The following LMO1 variants were observed in gnomAD, a reference collection of about 807,000 sequenced individuals.
The protein encoded by LMO1 is LIM domain only 1, also known as rhombotin-1.
In LMO1, 10 loss-of-function variants were observed where a neutral mutation model predicts 18.0. The ratio of observed to expected loss-of-function variants is 0.55; its 90% confidence interval spans 0.34 to 0.94. The LOEUF is 0.94. Ranked by LOEUF, LMO1 falls within the 40% of genes least tolerant of loss-of-function variation. The pLI, the probability that LMO1 is intolerant of heterozygous loss-of-function variation, is 0.02. For missense variants in LMO1, 183 were observed against 205.7 expected (o/e 0.89, Z 0.68); for synonymous variants, 77 against 77.9 (o/e 0.99, Z 0.06).
intron 1 of LMO1, among the ~76,000 whole-genome samples, chr11:8,258,406 G>A (rs558093598): frequency 1.3e-5 from 2 of 152,152 alleles, no homozygotes; most frequent in Non-Finnish European, 2.9e-5. Flanking sequence ...GCACCATCAC[G>A]GCTCTGTCTT....
At chr11:8,245,105 T>C (rs1019087333) in intron 1 of LMO1, among the ~76,000 whole-genome samples, 1 of 152,220 alleles carries the variant, frequency 6.6e-6, no homozygotes, top group Non-Finnish European at 1.5e-5. Context: ...ATTGCTTCCA[T>C]TTTGTGGATG....
intron 1 of LMO1, among the ~76,000 whole-genome samples, chr11:8,254,350 G>A (rs1051908833): frequency 6.6e-6 from 1 of 152,140 alleles, no homozygotes; most frequent in Non-Finnish European, 1.5e-5. Context: ...CTGATAGATC[G>A]CTGGCTTGTA....
Position 8,263,704 on chromosome 11 carries a change from T to C in LMO1, c.-342A>G. 3.4e-6 allele frequency: 4 copies of C among 1,175,630 alleles called. No individual in the cohort carries two copies. Among genetic ancestry groups the C allele is most frequent in the Non-Finnish European group, 4.2e-6 (4 of 951,720 alleles). The allele number at this position is 1,175,630 out of a possible 1,614,324, so 72.8% of individuals were successfully genotyped here. A position where few individuals can be genotyped will look rare whatever the true frequency, so the allele number is the denominator to read the frequency against. ...ATGGCTCAATTTGCCCAGTATAATC[T>C]GTCTTAATGTAATTGCATTTGATAG... On this transcript the variant is annotated 5_prime_UTR_variant, in exon 1 of 4. Transcript: ENST00000335790.
At chr11:8,262,727 G>A (rs1013184878) in intron 1 of LMO1, among the ~76,000 whole-genome samples, 5 of 152,202 alleles carry the variant, frequency 3.3e-5, no homozygotes, top group African/African-American at 9.6e-5. Context: ...GGAGCTAGCG[G>A]GCCGGCACAA....
At chr11:8,263,983 C>A (rs79488575), upstream of LMO1, 67 of 537,508 alleles carry the variant, frequency 1.2e-4, no homozygotes, top group East Asian at 3.7e-3. Flanking sequence ...CTCCGCAGCG[C>A]CACCTGGAGG....
At chr11:8,268,748 C>G, upstream of LMO1, 1 of 209,584 alleles carries the variant, frequency 4.8e-6, no homozygotes, top group Non-Finnish European at 9.5e-6. Context: ...GCCGCGCGCG[C>G]GTCCTTCCTC....
intron 1 of LMO1, among the ~76,000 whole-genome samples, chr11:8,243,435 C>T (rs571300758): frequency 3.3e-5 from 5 of 152,290 alleles, no homozygotes; most frequent in South Asian, 2.1e-4. Flanking sequence ...ATGTCTCTTC[C>T]GGAAACCTGG....
chr11:8,250,301 G>C (rs1846967436), intron 1 of LMO1, among the ~76,000 whole-genome samples: 1 of 152,060 alleles, frequency 6.6e-6, no homozygotes, highest in South Asian at 2.1e-4. Flanking sequence ...ACTTTACCAG[G>C]TGCAGTCTTA....
At chr11:8,246,944 C>T (rs1450328586) in intron 1 of LMO1, among the ~76,000 whole-genome samples, 2 of 152,170 alleles carry the variant, frequency 1.3e-5, no homozygotes, top group Non-Finnish European at 2.9e-5. Flanking sequence ...ACCCCCTTAC[C>T]TCCTTCCCCA....
intron 1 of LMO1, among the ~76,000 whole-genome samples, chr11:8,242,557 C>G (rs1258085627): frequency 6.6e-6 from 1 of 152,208 alleles, no homozygotes; most frequent in Admixed American, 6.5e-5. Flanking sequence ...CCACCAACCC[C>G]CATCCCATCC....
At chr11:8,257,120 C>T (rs1408161303) in intron 1 of LMO1, among the ~76,000 whole-genome samples, 2 of 152,184 alleles carry the variant, frequency 1.3e-5, no homozygotes, top group African/African-American at 4.8e-5. Context: ...TTCAAGCTAC[C>T]AATGCAGTGT....
chr11:8,232,050 TCTC>T (rs1448710861), intron 1 of LMO1, among the ~76,000 whole-genome samples: 1 of 152,058 alleles, frequency 6.6e-6, no homozygotes, highest in East Asian at 1.9e-4. Context: ...CAGGGCTCCT[TCTC>T]CTCTCCTGTG....
chr11:8,230,776 C>G (rs1952644699), intron 1 of LMO1, among the ~76,000 whole-genome samples: 1 of 152,234 alleles, frequency 6.6e-6, no homozygotes, highest in South Asian at 2.1e-4. Flanking sequence ...CCAGGCCTGG[C>G]CTCCCTGAGT....
At chr11:8,238,887 G>A (rs754646516) in intron 1 of LMO1, among the ~76,000 whole-genome samples, 11 of 152,084 alleles carry the variant, frequency 7.2e-5, no homozygotes, top group African/African-American at 1.4e-4. Flanking sequence ...ATTTAAAAAC[G>A]GAGCTGAGAT....
chr11:8,246,016 CAAG>C (rs1846886996), intron 1 of LMO1, among the ~76,000 whole-genome samples: 1 of 152,146 alleles, frequency 6.6e-6, no homozygotes, highest in African/African-American at 2.4e-5. Context: ...GTGAACTGAA[CAAG>C]AACTCACTCA....
intron 1 of LMO1, among the ~76,000 whole-genome samples, chr11:8,247,311 G>A (rs1846911795): frequency 6.6e-6 from 1 of 152,138 alleles, no homozygotes; most frequent in African/African-American, 2.4e-5. Context: ...CCTCTCCCAG[G>A]GCCTGTGAGC....
chr11:8,227,244 C>T, intron 2 of LMO1, 144 bp from the exon 3 acceptor site: 4 of 1,347,010 alleles, frequency 3.0e-6, no homozygotes, highest in Non-Finnish European at 4.0e-6. Flanking sequence ...GATAAGAGCA[C>T]TGAGGGCAGC....
upstream of LMO1, among the ~76,000 whole-genome samples, chr11:8,265,138 C>T (rs1452570370): frequency 5.9e-5 from 9 of 152,240 alleles, no homozygotes; most frequent in Non-Finnish European, 1.3e-4. Context: ...GATTCTATCT[C>T]ATCTCTGCCA....
At chr11:8,256,366 A>AC (rs998623509) in intron 1 of LMO1, among the ~76,000 whole-genome samples, 2 of 152,208 alleles carry the variant, frequency 1.3e-5, no homozygotes, top group Non-Finnish European at 2.9e-5. Context: ...GTCACACAGC[A>AC]GTCAGCTGGG....
Sources: gnomAD v4.1 joint callset for allele counts (sites outside exome capture counted in the v4.1 genomes callset) on GRCh38, gnomAD v4.1.1 for gene constraint, MANE v1.5 for transcripts, NCBI Gene and HGNC (gene_info 2026-07-23, HGNC 2026-07-21) for gene names.